DLGAP1: variants seen among roughly 807,000 people sequenced by gnomAD.
DLGAP1 encodes the protein DLG associated protein 1.
A neutral mutation model predicts 90.8 loss-of-function variants in DLGAP1; 11 were observed. That is an observed-to-expected ratio of 0.12 (90% CI 0.08 to 0.20). The LOEUF (loss-of-function observed/expected upper bound fraction) is 0.20. Ranked by LOEUF, DLGAP1 falls within the 10% of genes least tolerant of loss-of-function variation. The probability of loss-of-function intolerance (pLI) is 1.00; values close to 1 mark genes in which losing one functional copy is unlikely to be tolerated. For missense variants in DLGAP1, 1,050 were observed against 1,333.8 expected (o/e 0.79, Z 3.31); for synonymous variants, 558 against 540.7 (o/e 1.03, Z -0.44).
intron 7 of DLGAP1, among the ~76,000 whole-genome samples, chr18:3,638,810 T>A (rs1160575481): frequency 6.6e-6 from 1 of 152,224 alleles, no homozygotes; most frequent in African/African-American, 2.4e-5. Flanking sequence ...TAGTATTTGA[T>A]TCCTACATTA....
chr18:3,966,130 C>T (rs962686141), intron 3 of DLGAP1, among the ~76,000 whole-genome samples: 1 of 151,916 alleles, frequency 6.6e-6, no homozygotes, highest in Admixed American at 6.6e-5. Context: ...GTAGAAACCA[C>T]ATTCGCTAAT....
chr18:4,271,585 T>C (rs767685493), intron 1 of DLGAP1, among the ~76,000 whole-genome samples: 24 of 152,334 alleles, frequency 1.6e-4, no homozygotes, highest in Non-Finnish European at 2.6e-4. Flanking sequence ...CTAAACATTA[T>C]TTAATCTTTT....
At chr18:3,870,804 C>T (rs1046557728) in intron 4 of DLGAP1, among the ~76,000 whole-genome samples, 8 of 152,180 alleles carry the variant, frequency 5.3e-5, no homozygotes, top group Non-Finnish European at 1.0e-4. Context: ...AGCAAATTCC[C>T]TAAAGATCAC....
chr18:3,888,107 CAAAAAAAAAAAAAAA>C (rs1164887393), intron 3 of DLGAP1, among the ~76,000 whole-genome samples: 1 of 49,382 alleles, frequency 2.0e-5, no homozygotes, highest in Admixed American at 3.0e-4. Context: ...GACTCCATCT[CAAAAAAAAAAAAAAA>C]AAAAAAAAAA....
chr18:4,114,162 A>G (rs1397691654), intron 2 of DLGAP1, among the ~76,000 whole-genome samples: 2 of 147,456 alleles, frequency 1.4e-5, no homozygotes, highest in African/African-American at 5.0e-5. Context: ...TGTGAAAATG[A>G]TATTAGTTTG....
intron 2 of DLGAP1, among the ~76,000 whole-genome samples, chr18:4,109,419 C>A (rs2075931385): frequency 1.3e-5 from 2 of 152,130 alleles, no homozygotes; most frequent in Non-Finnish European, 2.9e-5. Context: ...GGCATTAGGC[C>A]ACTCTTAGAA....
chr18:3,708,668 TTAAG>T (rs1314094049), intron 7 of DLGAP1, among the ~76,000 whole-genome samples: 1 of 152,190 alleles, frequency 6.6e-6, no homozygotes, highest in East Asian at 1.9e-4. Flanking sequence ...ATTTAAAAGC[TTAAG>T]TAAGCACAAT....
chr18:3,588,795 A>G (rs1406385855), intron 7 of DLGAP1, among the ~76,000 whole-genome samples: 3 of 147,996 alleles, frequency 2.0e-5, no homozygotes, highest in African/African-American at 5.0e-5. Context: ...AAAAAAAAAG[A>G]AAAAAGAAAG....
intron 1 of DLGAP1, among the ~76,000 whole-genome samples, chr18:4,340,459 A>G (rs1262569267): frequency 1.3e-5 from 2 of 152,204 alleles, no homozygotes; most frequent in African/African-American, 4.8e-5. Context: ...AACTGAAATC[A>G]TGGAAAATGG....
rs2062311013 is a variant in DLGAP1, at chr18:3,729,112, T to C, written c.1591+23A>G. 1.3e-6 allele frequency: 2 copies of C among 1,585,468 alleles called. No homozygotes were observed. Among genetic ancestry groups the C allele is most frequent in the Non-Finnish European group, 1.7e-6 (2 of 1,163,994 alleles). Reference sequence around the variant, plus strand: ...GCCATAGCCAGCACAGGGGCCAGGCTGGCTGAGGGCCCGCGCACTCACCCG... The same window carrying C: ...GCCATAGCCAGCACAGGGGCCAGGCCGGCTGAGGGCCCGCGCACTCACCCG... On this transcript the variant is annotated intron_variant, in intron 7 of 12. Coordinates refer to ENST00000315677, the MANE Select transcript of DLGAP1 (RefSeq NM_004746.4). This position sits in a 1 kb window ranked among gnomAD's most constrained non-coding sequence, Gnocchi z 6.2.
At chr18:3,709,516 A>G (rs2061538006) in intron 7 of DLGAP1, among the ~76,000 whole-genome samples, 1 of 152,214 alleles carries the variant, frequency 6.6e-6, no homozygotes, top group Non-Finnish European at 1.5e-5. Context: ...TCCACTGTAT[A>G]CAATCCCTTG....
chr18:4,292,044 C>G (rs1379927087), intron 1 of DLGAP1, among the ~76,000 whole-genome samples: 7 of 152,108 alleles, frequency 4.6e-5, no homozygotes, highest in African/African-American at 1.7e-4. Flanking sequence ...ACTATTTTAA[C>G]TAGAAATCCA....
chr18:3,632,992 G>T (rs1382413926), intron 7 of DLGAP1, among the ~76,000 whole-genome samples: 4 of 151,912 alleles, frequency 2.6e-5, no homozygotes, highest in Admixed American at 6.6e-5. Context: ...TTACCTTTAG[G>T]GTATAATCTT....
At chr18:4,387,408 A>C (rs894648246) in intron 1 of DLGAP1, among the ~76,000 whole-genome samples, 1 of 152,228 alleles carries the variant, frequency 6.6e-6, no homozygotes, top group African/African-American at 2.4e-5. Context: ...TGATTTTAAA[A>C]TGTTATTATA....
intron 7 of DLGAP1, among the ~76,000 whole-genome samples, chr18:3,681,391 T>C (rs1474049959): frequency 1.3e-5 from 2 of 152,248 alleles, no homozygotes; most frequent in Non-Finnish European, 2.9e-5. Context: ...GTGATGCTAA[T>C]AAAAGTGTAA....
In DLGAP1 at chr18:4,257,973, A is replaced by ATGTGTGTGTGTG. The variant is rs10625642; in HGVS notation, c.-266-106698_-266-106687dup. Among the ~76,000 whole-genome samples, 113 of 141,350 alleles carry ATGTGTGTGTGTG rather than the reference A, an allele frequency of 8.0e-4. 1 individual carries two copies. The highest frequency in any genetic ancestry group is 3.7e-3 in the Middle Eastern group (1 of 270). 92.7% of individuals were successfully genotyped at this position (141,350 alleles called of 152,430 possible). On this transcript the variant is annotated intron_variant, in intron 1 of 12. Coordinates refer to ENST00000315677, the MANE Select transcript of DLGAP1 (RefSeq NM_004746.4). ...ATGGATTACAACAAGAGTTATACAT[A>ATGTGTGTGTGTG]TGTGTGTGTGTGTGTGTGTGTGTGT...
At position 3,729,551 on chromosome 18, in the gene DLGAP1, T is replaced by C. The variant is rs531393885; in HGVS notation, c.1351-176A>G. 6.6e-6 allele frequency among the ~76,000 whole-genome samples: 1 copy of C among 151,298 alleles called. No individual in the cohort carries two copies. The highest frequency in any genetic ancestry group is 2.1e-4 in the South Asian group (1 of 4,828). On this transcript the variant is annotated intron_variant, in intron 6 of 12. Transcript: ENST00000315677. The surrounding 1 kb of genome is among the most constrained non-coding windows in gnomAD (Gnocchi z 6.2). The stretch of plus-strand genomic sequence containing the variant: ...ATAATTGAATGGCATCCGCTTATAA[T>C]TCCAAACAATAGATTACTTTTTTTT...
At chr18:4,255,109 C>T (rs760886412) in intron 1 of DLGAP1, among the ~76,000 whole-genome samples, 1 of 152,270 alleles carries the variant, frequency 6.6e-6, no homozygotes, top group African/African-American at 2.4e-5. Flanking sequence ...GTTTTACGTA[C>T]GCCCGATTAA....
intron 1 of DLGAP1, among the ~76,000 whole-genome samples, chr18:4,357,157 CTTTTTTTTTT>C (rs554248097): frequency 9.2e-6 from 1 of 108,744 alleles, no homozygotes; most frequent in Non-Finnish European, 1.7e-5. Context: ...TGTTTTTTTC[CTTTTTTTTTT>C]TTTTTTTTGA....
Sources: gnomAD v4.1 joint callset for allele counts (sites outside exome capture counted in the v4.1 genomes callset) on GRCh38, gnomAD v4.1.1 for gene constraint, Gnocchi (gnomAD v3.1) non-coding constraint, MANE v1.5 for transcripts, NCBI Gene and HGNC (gene_info 2026-07-23, HGNC 2026-07-21) for gene names.